STOML1: variants seen among roughly 807,000 people sequenced by gnomAD.
STOML1 encodes the protein stomatin-like protein 1.
Under a neutral mutation model 35.7 loss-of-function variants are expected in STOML1, and 27 were observed. The ratio of observed to expected loss-of-function variants is 0.76; its 90% CI spans 0.56 to 1.04. The LOEUF (loss-of-function observed/expected upper bound fraction) is 1.04. Ranked by LOEUF, STOML1 falls within the 50% of genes least tolerant of loss-of-function variation. The pLI is 0.00. For missense variants in STOML1, 451 were observed against 527.1 expected, an observed-to-expected ratio of 0.86 and a Z score of 1.41; for synonymous variants, 219 against 227.9, an observed-to-expected ratio of 0.96 and a Z score of 0.35.
In STOML1 at chr15:73,985,338, C is replaced by G; in HGVS notation, c.770G>C (p.Gly257Ala). ...CTCACCTGGCCCCGGGGACGGGGCA[C>G]CTCCTGCCATTGAGTTCATGCTTCC... ...LGGSMNSMAG[G>A]APSPGPADTV... The change falls in exon 5 of 7, where the codon GGT (glycine) becomes GCT (alanine). Residue 257 changes from glycine to alanine, a missense_variant. By Grantham distance (60) the Gly-to-Ala change is moderately conservative. Transcript: ENST00000541638. The G allele has an allele frequency of 6.5e-7, 1 of 1,545,220 alleles. No homozygotes were observed. The highest frequency in any genetic ancestry group is 8.7e-7 in the Non-Finnish European group (1 of 1,151,546).
At chr15:73,991,337 C>T (rs897012929) in intron 1 of STOML1, among the ~76,000 whole-genome samples, 6 of 152,222 alleles carry the variant, frequency 3.9e-5, no homozygotes, top group Non-Finnish European at 8.8e-5. Context: ...CCTCCCAACC[C>T]TGGACAGGAA....
At chr15:73,987,809 G>A (rs1257090657) in intron 4 of STOML1, 1 of 152,278 alleles carries the variant, frequency 6.6e-6, no homozygotes, top group Non-Finnish European at 1.5e-5. Context: ...GCACGTAAGA[G>A]CTACTGTTAG....
Position 73,983,605 on chromosome 15 carries a change from T to G in STOML1, c.*332A>C. 4.0e-6 allele frequency: 1 copy of G among 248,810 alleles called. No individual in the cohort carries two copies. The highest frequency in any genetic ancestry group is 7.7e-6 in the Non-Finnish European group (1 of 130,274). 15.4% of individuals were successfully genotyped at this position (248,810 alleles called of 1,614,324 possible). ...GACCAAACCAGCTGCTGTCAGGCTGTTTCTGTGGGTCCTGTCTCTCCAGTC... is the reference window on the plus strand; with the variant it reads ...GACCAAACCAGCTGCTGTCAGGCTGGTTCTGTGGGTCCTGTCTCTCCAGTC... On this transcript the variant is annotated 3_prime_UTR_variant, in exon 7 of 7. Transcript: ENST00000541638.
Position 73,985,406 on chromosome 15 carries a change from G to T in STOML1, c.702C>A (p.Asn234Lys). 1 of 1,564,400 alleles carries T rather than the reference G, an allele frequency of 6.4e-7. No homozygotes were observed. The highest frequency in any genetic ancestry group is 1.2e-5 in the South Asian group (1 of 83,690). The change falls in exon 5 of 7, where the codon AAC becomes AAA. Residue 234 changes from asparagine to lysine, a missense_variant. Physicochemically the swap from Asn to Lys is moderately conservative, Grantham distance 94 (BLOSUM62 0). Coordinates refer to ENST00000541638, the MANE Select transcript of STOML1 (RefSeq NM_004809.5). Reference protein sequence around the residue: ...QPPQDSPAGPNLDSTLQQLAL... With the variant: ...QPPQDSPAGPKLDSTLQQLAL... ...CCAGCTGCTGGAGGGTGCTGTCCAGGTTGGGCCCAGCTGGGCTGTCCTGGG... is the reference window on the plus strand; with the variant it reads ...CCAGCTGCTGGAGGGTGCTGTCCAGTTTGGGCCCAGCTGGGCTGTCCTGGG...
intron 4 of STOML1, 43 bp from the exon 5 acceptor site, chr15:73,985,556 C>T (rs1446529187): frequency 6.6e-7 from 1 of 1,526,526 alleles, no homozygotes; most frequent in South Asian, 1.3e-5. Context: ...TTCAACAAAC[C>T]TTTCCTGAGC....
chr15:73,985,787 G>T, intron 4 of STOML1: 1 of 425,188 alleles, frequency 2.4e-6, no homozygotes, highest in Non-Finnish European at 4.2e-6. Context: ...AACAGGAACA[G>T]CATGTGCAAA....
At position 73,984,077 on chromosome 15, in the gene STOML1, C is replaced by T; in HGVS notation, c.1057G>A (p.Glu353Lys). 6.2e-7 allele frequency: 1 copy of T among 1,614,028 alleles called. No homozygotes were observed. The highest frequency in any genetic ancestry group is 8.5e-7 in the Non-Finnish European group (1 of 1,179,998). Residue 353 changes from glutamate (E) to lysine (K), a missense_variant, in exon 7 of 7, where the codon GAG becomes AAG. Coordinates refer to ENST00000541638, the MANE Select transcript of STOML1 (RefSeq NM_004809.5). ...VPDGIPDVVV[E>K]MAEADLRALL... Reference sequence around the variant, plus strand: ...GCCCGCAGGTCTGCCTCGGCCATCTCCACCACCACATCAGGGATGCCATCA... The same window carrying T: ...GCCCGCAGGTCTGCCTCGGCCATCTTCACCACCACATCAGGGATGCCATCA...
In STOML1 at chr15:73,988,887, C is replaced by T. The variant is rs2069178122; in HGVS notation, c.391-85G>A. On this transcript the variant is annotated intron_variant, in intron 3 of 6. Transcript: ENST00000541638. This position sits in a 1 kb window ranked among gnomAD's most constrained non-coding sequence, Gnocchi z 4.8. ...GCCCACTGGGGCCACCCAGCTTGAA[C>T]CACCTGCTTGGCAGCTAGCTCCTCA... 6.5e-7 allele frequency: 1 copy of T among 1,534,976 alleles called. No individual in the cohort carries two copies. Among genetic ancestry groups the T allele is most frequent in the Non-Finnish European group, 8.8e-7 (1 of 1,134,044 alleles).
upstream of STOML1, among the ~76,000 whole-genome samples, chr15:73,993,437 T>C (rs1328999471): frequency 2.0e-5 from 3 of 152,218 alleles, no homozygotes; most frequent in African/African-American, 4.8e-5. Context: ...CATCCTGCCA[T>C]AGCCCACTTC....
chr15:73,988,880 G>T lies in STOML1; in HGVS notation c.391-78C>A. 6.5e-7 allele frequency: 1 copy of T among 1,543,902 alleles called. No homozygotes were observed. Among genetic ancestry groups the T allele is most frequent in the Non-Finnish European group, 8.8e-7 (1 of 1,139,492 alleles). On this transcript the variant is annotated intron_variant, in intron 3 of 6. Transcript: ENST00000541638. This position sits in a 1 kb window ranked among gnomAD's most constrained non-coding sequence, Gnocchi z 4.8. ...AGGTCAGGCCCACTGGGGCCACCCAGCTTGAACCACCTGCTTGGCAGCTAG... is the reference window on the plus strand; with the variant it reads ...AGGTCAGGCCCACTGGGGCCACCCATCTTGAACCACCTGCTTGGCAGCTAG...
At chr15:73,990,291 T>C in intron 2 of STOML1, 60 bp downstream of exon 2, 1 of 1,491,878 alleles carries the variant, frequency 6.7e-7, no homozygotes, top group South Asian at 1.2e-5. Flanking sequence ...AATTTATTCA[T>C]CAATGCCAAA....
rs764993042 is a variant in STOML1, at chr15:73,984,679, T to C, written c.983A>G (p.Tyr328Cys). Residue 328 changes from tyrosine (Y) to cysteine (C), a missense_variant, in exon 6 of 7, where the codon TAC becomes TGC. By Grantham distance (194) the Tyr-to-Cys change is radical. Transcript: ENST00000541638. Reference protein sequence around the residue: ...VVLPSGTQSAYFLDLTTGRGR... With the variant: ...VVLPSGTQSACFLDLTTGRGR... ...GGCACCTGTAGTGAGGTCCAGGAAG[T>C]AGGCGCTTTGGGTGCCGCTGGGCAG... 4.3e-5 allele frequency: 70 copies of C among 1,613,988 alleles called. No individual in the cohort carries two copies. Among genetic ancestry groups the C allele is most frequent in the Non-Finnish European group, 5.1e-5 (60 of 1,180,024 alleles).
At chr15:73,985,230 A>T in intron 5 of STOML1, 88 bp downstream of exon 5, 1 of 1,364,772 alleles carries the variant, frequency 7.3e-7, no homozygotes, top group Non-Finnish European at 9.8e-7. Flanking sequence ...CAGGGTGTGT[A>T]CTGCACAGAG....
chr15:73,990,916 C>CATA, intron 1 of STOML1: 1 of 1,524,690 alleles, frequency 6.6e-7, no homozygotes, highest in Non-Finnish European at 8.8e-7. Flanking sequence ...GTGTGCTTTC[C>CATA]AGGAGTCCTT....
chr15:73,988,325 G>A lies in STOML1; in HGVS notation c.594+274C>T, dbSNP rs2141672866. 1 of 440,876 alleles carries A rather than the reference G, an allele frequency of 2.3e-6. No individual in the cohort carries two copies. The highest frequency in any genetic ancestry group is 4.2e-6 in the Non-Finnish European group (1 of 238,834). 27.3% of individuals were successfully genotyped at this position (440,876 alleles called of 1,614,324 possible). A position where few individuals can be genotyped will look rare whatever the true frequency, so the allele number is the denominator to read the frequency against. Reference sequence around the variant, plus strand: ...AGTGTCATCATGGCAGAGCAGTGAGGGGTAAAAACTAAGGGGCAGACCCCA... The same window carrying A: ...AGTGTCATCATGGCAGAGCAGTGAGAGGTAAAAACTAAGGGGCAGACCCCA... On this transcript the variant is annotated intron_variant, in intron 4 of 6. Transcript: ENST00000541638. This position sits in a 1 kb window ranked among gnomAD's most constrained non-coding sequence, Gnocchi z 4.8.
Position 73,992,214 on chromosome 15 carries a change from T to G in STOML1, c.10A>C (p.Arg4=), listed in dbSNP as rs778449008. The G allele has an allele frequency of 1.2e-6, 2 of 1,601,842 alleles. No individual in the cohort carries two copies. Among genetic ancestry groups the G allele is most frequent in the Admixed American group, 1.7e-5 (1 of 59,088 alleles). ...AGGGGCAGCGCCCGGTACCCAGACCTGCCGAGCATGGCTTTTGACAGGAGA... is the reference window on the plus strand; with the variant it reads ...AGGGGCAGCGCCCGGTACCCAGACCGGCCGAGCATGGCTTTTGACAGGAGA... The part of the protein sequence containing the change: MLG[R]SGYRALPLGD... Residue 4 remains arginine, a synonymous_variant, in exon 1 of 7, where the codon AGG becomes CGG. Transcript: ENST00000541638.
rs765066088 is a variant in STOML1, at chr15:73,990,473, G to C, written c.134-16C>G. The C allele has an allele frequency of 6.3e-7, 1 of 1,588,562 alleles. No homozygotes were observed. Among genetic ancestry groups the C allele is most frequent in the South Asian group, 1.1e-5 (1 of 88,930 alleles). ...TGGGGTACATCTGCAGGTGAGAGCA[G>C]AGGTGGTCAACTGGACCTGCACGAC... On this transcript the variant is annotated splice_polypyrimidine_tract_variant and intron_variant, in intron 1 of 6. Transcript: ENST00000541638.
chr15:73,979,459 C>T lies in STOML1; in HGVS notation c.*4478G>A, dbSNP rs540671638. ...TTCCACCTCCTGGGTTCAAGCAATT[C>T]TCCTGTCTCAGCCTCCCGAGTAGCT... On this transcript the variant is annotated 3_prime_UTR_variant, in exon 7 of 7. Transcript: ENST00000541638. 13 of 152,370 alleles carry T rather than the reference C, an allele frequency of 8.5e-5. No individual in the cohort carries two copies. The highest frequency in any genetic ancestry group is 2.4e-4 in the African/African-American group (10 of 41,576). 9.4% of individuals were successfully genotyped at this position (152,370 alleles called of 1,614,324 possible).
chr15:73,985,475 C>A lies in STOML1; in HGVS notation c.633G>T (p.Glu211Asp). 6.5e-7 allele frequency: 1 copy of A among 1,541,694 alleles called. No homozygotes were observed. The highest frequency in any genetic ancestry group is 8.7e-7 in the Non-Finnish European group (1 of 1,146,386). The change falls in exon 5 of 7, where the codon GAG becomes GAT. Residue 211 changes from glutamate (E) to aspartate (D), a missense_variant. By Grantham distance (45) the Glu-to-Asp change is conservative. Coordinates refer to ENST00000541638, the MANE Select transcript of STOML1 (RefSeq NM_004809.5). ...INDVTRAWGL[E>D]VDRVELAVEA... is the part of the protein sequence containing the mutation. ...CCACTGCCAGCTCCACGCGGTCTAC[C>A]TCCAGCCCCCAGGCCCTGGTCACAT... is the stretch of plus-strand genomic sequence containing the variant.
Sources: allele counts gnomAD v4.1 joint callset (sites outside exome capture counted in the v4.1 genomes callset), GRCh38; gene constraint gnomAD v4.1.1; non-coding constraint Gnocchi (gnomAD v3.1); transcripts MANE v1.5; gene names NCBI Gene and HGNC (gene_info 2026-07-23, HGNC 2026-07-21).